The following AVL9 variants were observed in gnomAD, a reference collection of about 807,000 sequenced individuals.
The protein encoded by AVL9 is AVL9 cell migration associated.
Under a neutral mutation model 79.2 loss-of-function variants are expected in AVL9, and 49 were observed. The ratio of observed to expected loss-of-function variants is 0.62; its 90% CI spans 0.49 to 0.79. AVL9 has a LOEUF of 0.79. AVL9 is among the 30% of genes least tolerant of loss of function. The pLI is 0.00. For missense variants in AVL9, 682 were observed against 776.8 expected (o/e 0.88, Z 1.45); for synonymous variants, 299 against 280.6 (o/e 1.07, Z -0.65).
intron 1 of AVL9, among the ~76,000 whole-genome samples, chr7:32,523,891 G>T (rs1287806660): frequency 1.3e-5 from 2 of 151,428 alleles, no homozygotes; most frequent in East Asian, 2.0e-4. Flanking sequence ...CCACCACCAC[G>T]CCCGGCTAAT....
chr7:32,575,184 C>G (rs539627722), intron 12 of AVL9, among the ~76,000 whole-genome samples: 1 of 152,166 alleles, frequency 6.6e-6, no homozygotes, highest in African/African-American at 2.4e-5. Context: ...CTGCAACCTC[C>G]ATCTCCTGGT....
chr7:32,497,542 A>G lies in AVL9; in HGVS notation c.93+1740A>G, dbSNP rs192147241. On this transcript the variant is annotated intron_variant, in intron 1 of 15. Transcript: ENST00000318709. ...ACTTCCAGGTGTAAATTAAAGGTGC[A>G]TGGCTCATTGAGTTGTGACTCTGAC... Among the ~76,000 whole-genome samples the G allele has an allele frequency of 1.5e-4, 23 of 152,256 alleles. No homozygotes were observed. The East Asian group carries it at 4.4e-3, about 29-fold the overall frequency.
At position 32,495,754 on chromosome 7, in the gene AVL9, C is replaced by T. The variant is rs1328314690; in HGVS notation, c.45C>T (p.Pro15=). 7.9e-7 allele frequency: 1 copy of T among 1,259,258 alleles called. No homozygotes were observed. Among genetic ancestry groups the T allele is most frequent in the Non-Finnish European group, 1.0e-6 (1 of 991,964 alleles). The allele number at this position is 1,259,258 out of a possible 1,614,324, so 78.0% of individuals were successfully genotyped here. A position where few individuals can be genotyped will look rare whatever the true frequency, so the allele number is the denominator to read the frequency against. ...GCGGGGATGGCGTCCCCCGGGGGCC[C>T]GTACTGCACATCGTGGTGGTCGGAT... ...RRGGDGVPRG[P]VLHIVVVGFH... is the part of the protein sequence containing the mutation. Residue 15 remains proline, a synonymous_variant, in exon 1 of 16, where the codon CCC becomes CCT. Coordinates refer to ENST00000318709, the MANE Select transcript of AVL9 (RefSeq NM_015060.3).
rs1790018261 is a variant in AVL9 at position 32,555,553 on chromosome 7, A to C, written c.609+957A>C. ...ACCTACTACCTATTGTTATACATAAAATTTTATTGGAAATCAGACCCATTT... is the reference window on the plus strand; with the variant it reads ...ACCTACTACCTATTGTTATACATAACATTTTATTGGAAATCAGACCCATTT... On this transcript the variant is annotated intron_variant, in intron 8 of 15. Transcript: ENST00000318709. Among the ~76,000 whole-genome samples, 3 of 152,148 alleles carry C rather than the reference A, an allele frequency of 2.0e-5. No individual in the cohort carries two copies. The South Asian group carries it at 6.2e-4, about 32-fold the overall frequency.
chr7:32,524,396 TCC>T (rs1383100107), intron 1 of AVL9, among the ~76,000 whole-genome samples: 3 of 151,956 alleles, frequency 2.0e-5, no homozygotes, highest in Non-Finnish European at 4.4e-5. Flanking sequence ...GTGGCTGTAA[TCC>T]CAGCTACTCG....
chr7:32,528,504 T>G (rs1210267232), intron 1 of AVL9, among the ~76,000 whole-genome samples: 1 of 152,218 alleles, frequency 6.6e-6, no homozygotes, highest in East Asian at 1.9e-4. Context: ...GAAACCTGTC[T>G]GAAGTACTGT....
chr7:32,550,796 T>C (rs192755504), intron 4 of AVL9, among the ~76,000 whole-genome samples: 139 of 152,176 alleles, frequency 9.1e-4, no homozygotes, highest in African/African-American at 3.2e-3. Context: ...GGACAAAAAA[T>C]GTAATCATGA....
Position 32,573,577 on chromosome 7 carries a change from ACTTTATAGC to A in AVL9, c.1570+163_1570+171del, listed in dbSNP as rs752708021. 2.7e-4 allele frequency among the ~76,000 whole-genome samples: 41 copies of A among 152,332 alleles called. 2 individuals carry two copies. The highest frequency in any genetic ancestry group is 1.0e-4 in the Non-Finnish European group (7 of 68,022). ...GATAGCCACTTTTAACGTCTTTAGT[ACTTTATAGC>A]CTTGCAAATCTTTTCCTATGCATGT... On this transcript the variant is annotated intron_variant, in intron 12 of 15. Coordinates refer to ENST00000318709, the MANE Select transcript of AVL9 (RefSeq NM_015060.3).
chr7:32,505,306 A>G (rs1787359710), intron 1 of AVL9, among the ~76,000 whole-genome samples: 1 of 151,696 alleles, frequency 6.6e-6, no homozygotes, highest in South Asian at 2.1e-4. Context: ...CGGGCAGATC[A>G]CAAGGTCAGG....
Position 32,495,580 on chromosome 7 carries a change from T to G in AVL9, c.-130T>G, listed in dbSNP as rs958617588. The stretch of plus-strand genomic sequence containing the variant: ...GCGGGAGCTGCTTTGCCTCCACCGA[T>G]CTCCCTGTGCGGCCCTCATGTGCTG... On this transcript the variant is annotated 5_prime_UTR_variant, in exon 1 of 16. Coordinates refer to ENST00000318709, the MANE Select transcript of AVL9 (RefSeq NM_015060.3). The G allele has an allele frequency of 1.5e-4, 73 of 495,992 alleles. No homozygotes were observed. Among genetic ancestry groups the G allele is most frequent in the African/African-American group, 1.3e-3 (64 of 50,184 alleles). The allele number at this position is 495,992 out of a possible 1,614,324, so 30.7% of individuals were successfully genotyped here. A position where few individuals can be genotyped will look rare whatever the true frequency, so the allele number is the denominator to read the frequency against.
At chr7:32,541,716 ATT>A (rs71559233) in intron 1 of AVL9, among the ~76,000 whole-genome samples, 4 of 145,044 alleles carry the variant, frequency 2.8e-5, no homozygotes, top group African/African-American at 2.5e-5. Context: ...CCTTCAGTTA[ATT>A]TTTTTTTTTT....
intron 10 of AVL9, among the ~76,000 whole-genome samples, chr7:32,561,112 G>A (rs1790311510): frequency 6.6e-6 from 1 of 152,160 alleles, no homozygotes; most frequent in Non-Finnish European, 1.5e-5. Flanking sequence ...CCTAGGATTT[G>A]GGGAATGGTA....
rs1259229403 is a variant in AVL9 at position 32,583,789 on chromosome 7, C to A, written c.1832-3C>A. 1.2e-6 allele frequency: 2 copies of A among 1,604,858 alleles called. No individual in the cohort carries two copies. The highest frequency in any genetic ancestry group is 1.7e-6 in the Non-Finnish European group (2 of 1,172,222). Reference sequence around the variant, plus strand: ...TCCTTTTGTTTTTCTCCTCTCCATCCAGGCCAGTCAGTTGGAGGAGCTTTT... The same window carrying A: ...TCCTTTTGTTTTTCTCCTCTCCATCAAGGCCAGTCAGTTGGAGGAGCTTTT... On this transcript the variant is annotated splice_region_variant and splice_polypyrimidine_tract_variant and intron_variant, in intron 15 of 15. Coordinates refer to ENST00000318709, the MANE Select transcript of AVL9 (RefSeq NM_015060.3).
In AVL9 at chr7:32,495,641, C is replaced by T; in HGVS notation, c.-69C>T. Reference sequence around the variant, plus strand: ...CACCCGAAGTCCGCGGCTTTCCGCACACGGTGGGGTCGTCAGACCCGCTGC... The same window carrying T: ...CACCCGAAGTCCGCGGCTTTCCGCATACGGTGGGGTCGTCAGACCCGCTGC... On this transcript the variant is annotated 5_prime_UTR_variant, in exon 1 of 16. Coordinates refer to ENST00000318709, the MANE Select transcript of AVL9 (RefSeq NM_015060.3). The T allele has an allele frequency of 9.1e-7, 1 of 1,093,162 alleles. No homozygotes were observed. 67.7% of individuals were successfully genotyped at this position (1,093,162 alleles called of 1,614,324 possible). A position where few individuals can be genotyped will look rare whatever the true frequency, so the allele number is the denominator to read the frequency against.
rs776269990 is a variant in AVL9 at position 32,546,696 on chromosome 7, G to A, written c.300+1917G>A. Among the ~76,000 whole-genome samples, 11 of 151,956 alleles carry A rather than the reference G, an allele frequency of 7.2e-5. No homozygotes were observed. The East Asian group carries it at 1.4e-3, about 19-fold the overall frequency. ...AAATTAGCCAGGTGTGGCAGCGCAC[G>A]CCTGTAGTCCCAGCTACTCGGGAGG... On this transcript the variant is annotated intron_variant, in intron 3 of 15. Transcript: ENST00000318709.
At chr7:32,499,285 A>G (rs896462469) in intron 1 of AVL9, among the ~76,000 whole-genome samples, 1 of 152,060 alleles carries the variant, frequency 6.6e-6, no homozygotes, top group Admixed American at 6.6e-5. Context: ...GTTTGTTCCA[A>G]TATATAAATT....
chr7:32,540,491 T>C (rs558547114), intron 1 of AVL9, among the ~76,000 whole-genome samples: 72 of 152,272 alleles, frequency 4.7e-4, no homozygotes, highest in African/African-American at 1.6e-3. Context: ...TCATTAAAAT[T>C]TGAGCAGTTG....
At position 32,495,514 on chromosome 7, in the gene AVL9, C is replaced by T. The variant is rs890210996; in HGVS notation, c.-196C>T. The T allele has an allele frequency of 2.5e-6, 1 of 393,072 alleles. No individual in the cohort carries two copies. Among genetic ancestry groups the T allele is most frequent in the Non-Finnish European group, 4.5e-6 (1 of 222,064 alleles). 24.3% of individuals were successfully genotyped at this position (393,072 alleles called of 1,614,324 possible). ...GTGTCAGGTGACAGCCCGGAAGCTG[C>T]GGAAGCGGATGAGGGAAGGGCGGCC... On this transcript the variant is annotated 5_prime_UTR_variant, in exon 1 of 16. Transcript: ENST00000318709.
chr7:32,583,711 T>C lies in AVL9; in HGVS notation c.1832-81T>C, dbSNP rs1162085857. 2.7e-5 allele frequency: 22 copies of C among 826,872 alleles called. 1 individual carries two copies. In the Admixed American group the frequency reaches 4.1e-4, roughly 16 times the overall value. 51.2% of individuals were successfully genotyped at this position (826,872 alleles called of 1,614,324 possible). A position where few individuals can be genotyped will look rare whatever the true frequency, so the allele number is the denominator to read the frequency against. On this transcript the variant is annotated intron_variant, in intron 15 of 15. Transcript: ENST00000318709. Reference sequence around the variant, plus strand: ...ATTTTTTTAAATTTTTAATTAAAAATGTATTAATTATGTTGGTCTTTCACT... The same window carrying C: ...ATTTTTTTAAATTTTTAATTAAAAACGTATTAATTATGTTGGTCTTTCACT...
Sources: allele counts gnomAD v4.1 joint callset (sites outside exome capture counted in the v4.1 genomes callset), GRCh38; gene constraint gnomAD v4.1.1; transcripts MANE v1.5; gene names NCBI Gene and HGNC (gene_info 2026-07-23, HGNC 2026-07-21).